ERGIC1: variants seen among roughly 807,000 people sequenced by gnomAD.
The protein encoded by ERGIC1 is endoplasmic reticulum-Golgi intermediate compartment protein 1.
ERGIC1 carries 19 observed loss-of-function variants against 38.3 expected under a neutral mutation model. That is an observed-to-expected ratio of 0.50 (90% CI 0.35 to 0.73). The LOEUF is 0.73. ERGIC1 is among the 30% of genes least tolerant of loss of function. The probability of loss-of-function intolerance (pLI) is 0.01; values close to 1 mark genes in which losing one functional copy is unlikely to be tolerated. For synonymous variants in ERGIC1, 124 were observed against 157.6 expected (o/e 0.79, Z 1.60); for missense variants, 294 against 389.2 (o/e 0.76, Z 2.06).
chr5:172,867,270 T>C (rs895676943), intron 1 of ERGIC1: 31 of 437,158 alleles, frequency 7.1e-5, no homozygotes, highest in African/African-American at 5.6e-4. Flanking sequence ...TGTGATCCCT[T>C]TGGGTACAGG....
intron 1 of ERGIC1, among the ~76,000 whole-genome samples, chr5:172,876,290 C>G (rs574444737): frequency 1.3e-5 from 2 of 152,292 alleles, no homozygotes; most frequent in East Asian, 3.9e-4. Context: ...TTTTCTAATT[C>G]TCTTAGTCTT....
intron 1 of ERGIC1, among the ~76,000 whole-genome samples, chr5:172,883,644 G>A (rs1319587891): frequency 2.0e-5 from 3 of 152,172 alleles, no homozygotes; most frequent in Admixed American, 6.5e-5. Context: ...ACAGGGTGCC[G>A]ATGTGTCTCC....
At chr5:172,895,488 GC>G (rs10713803) in intron 2 of ERGIC1, among the ~76,000 whole-genome samples, 40,035 of 151,952 alleles carry the variant, frequency 0.26, 5,542 homozygotes, top group Middle Eastern at 0.35. Context: ...TATCCTGGGA[GC>G]TGACTCTCTG....
Position 172,926,696 on chromosome 5 carries a change from C to T in ERGIC1, c.541+127C>T. 1.0e-6 allele frequency: 1 copy of T among 1,000,912 alleles called. No individual in the cohort carries two copies. The highest frequency in any genetic ancestry group is 2.5e-5 in the East Asian group (1 of 40,102). The allele number at this position is 1,000,912 out of a possible 1,614,324, so 62.0% of individuals were successfully genotyped here. A position where few individuals can be genotyped will look rare whatever the true frequency, so the allele number is the denominator to read the frequency against. The stretch of plus-strand genomic sequence containing the variant: ...TCCAAGGCAGGGAGGCTGCTGCTCA[C>T]ACTCCATTCCCACAGCTAACCAGTG... On this transcript the variant is annotated intron_variant, in intron 7 of 9. Coordinates refer to ENST00000393784, the MANE Select transcript of ERGIC1 (RefSeq NM_001031711.3). This position sits in a 1 kb window ranked among gnomAD's most constrained non-coding sequence, Gnocchi z 5.2.
chr5:172,842,029 G>A (rs1486864672), intron 1 of ERGIC1, among the ~76,000 whole-genome samples: 2 of 152,024 alleles, frequency 1.3e-5, no homozygotes, highest in East Asian at 1.9e-4. Context: ...TTTTTGTGTG[G>A]TAAGAATACC....
intron 3 of ERGIC1, chr5:172,898,128 C>T (rs2113317088): frequency 2.6e-6 from 1 of 378,110 alleles, no homozygotes; most frequent in East Asian, 3.8e-5. Flanking sequence ...TGGCCACCCA[C>T]TCTCCTGCTC....
chr5:172,912,629 C>T lies in ERGIC1; in HGVS notation c.251-2085C>T, dbSNP rs1375813391. ...GTCTCAAACTCCTGACCTTGTGATC[C>T]ACCCGCCTCAGCCTCCCAAAGTTCT... On this transcript the variant is annotated intron_variant, in intron 4 of 9. Transcript: ENST00000393784. 3.3e-5 allele frequency among the ~76,000 whole-genome samples: 5 copies of T among 152,242 alleles called. 1 individual carries two copies. The East Asian group carries it at 9.7e-4, about 29-fold the overall frequency.
At chr5:172,913,723 G>A (rs1388228019) in intron 4 of ERGIC1, among the ~76,000 whole-genome samples, 1 of 152,200 alleles carries the variant, frequency 6.6e-6, no homozygotes, top group Non-Finnish European at 1.5e-5. Context: ...CTCTGGGGAT[G>A]CAGTTGGCAT....
At chr5:172,878,538 G>T (rs1024644204) in intron 1 of ERGIC1, among the ~76,000 whole-genome samples, 2 of 152,160 alleles carry the variant, frequency 1.3e-5, no homozygotes, top group Admixed American at 1.3e-4. Context: ...GCCCTCGCAA[G>T]GGGGGTAGCA....
chr5:172,888,324 G>A (rs1035692849), intron 1 of ERGIC1, among the ~76,000 whole-genome samples: 5 of 152,130 alleles, frequency 3.3e-5, no homozygotes, highest in Non-Finnish European at 7.3e-5. Context: ...GCCAGGCATG[G>A]TGGCACATGC....
At chr5:172,842,963 G>C (rs1761193776) in intron 1 of ERGIC1, among the ~76,000 whole-genome samples, 1 of 152,174 alleles carries the variant, frequency 6.6e-6, no homozygotes, top group Non-Finnish European at 1.5e-5. Flanking sequence ...GGCCAACATG[G>C]AGAAACCCCA....
At chr5:172,865,853 TA>T (rs1401234068) in intron 1 of ERGIC1, among the ~76,000 whole-genome samples, 1 of 152,238 alleles carries the variant, frequency 6.6e-6, no homozygotes, top group Non-Finnish European at 1.5e-5. Context: ...TTTTATTTCA[TA>T]GACTATTTTG....
chr5:172,852,798 G>C (rs1761443660), intron 1 of ERGIC1, among the ~76,000 whole-genome samples: 1 of 152,238 alleles, frequency 6.6e-6, no homozygotes, highest in African/African-American at 2.4e-5. Flanking sequence ...ACATCACTCA[G>C]CATGGCACGC....
chr5:172,895,489 C>G (rs1470530217), intron 2 of ERGIC1, among the ~76,000 whole-genome samples: 1 of 82,800 alleles, frequency 1.2e-5, no homozygotes, highest in Non-Finnish European at 3.0e-5. Flanking sequence ...ATCCTGGGAG[C>G]TGACTCTCTG....
Position 172,926,886 on chromosome 5 carries a change from A to G in ERGIC1, c.541+317A>G, listed in dbSNP as rs1344441207. ...TCCTTAGTTGAACTAATTACCTAAG[A>G]TCCCACAGGGAGCTATGGCAGAACC... On this transcript the variant is annotated intron_variant, in intron 7 of 9. Transcript: ENST00000393784. This position sits in a 1 kb window ranked among gnomAD's most constrained non-coding sequence, Gnocchi z 5.2. 2.9e-6 allele frequency: 1 copy of G among 340,288 alleles called. No individual in the cohort carries two copies. The highest frequency in any genetic ancestry group is 5.6e-6 in the Non-Finnish European group (1 of 178,342). 21.1% of individuals were successfully genotyped at this position (340,288 alleles called of 1,614,324 possible). A position where few individuals can be genotyped will look rare whatever the true frequency, so the allele number is the denominator to read the frequency against.
intron 2 of ERGIC1, among the ~76,000 whole-genome samples, chr5:172,895,720 T>C (rs2113303937): frequency 6.6e-6 from 1 of 151,898 alleles, no homozygotes; most frequent in Non-Finnish European, 1.5e-5. Context: ...GAGTCGGGCC[T>C]GGGAGGATGA....
chr5:172,895,459 G>A (rs190814062), intron 2 of ERGIC1, among the ~76,000 whole-genome samples: 9 of 149,950 alleles, frequency 6.0e-5, no homozygotes, highest in East Asian at 2.0e-4. Flanking sequence ...CAGGTGTGGC[G>A]TATTCAGCCC....
Position 172,944,040 on chromosome 5 carries a change from G to A in ERGIC1, c.766-6669G>A, listed in dbSNP as rs1764066738. Among the ~76,000 whole-genome samples, 4 of 152,372 alleles carry A rather than the reference G, an allele frequency of 2.6e-5. No homozygotes were observed. The Middle Eastern group carries it at 0.01, about 389-fold the overall frequency. ...TGGGAGGAAGTTGCTGGTGGGAACA[G>A]AGGGGCATTATCGGATGACGTCTGA... On this transcript the variant is annotated intron_variant, in intron 9 of 9. Transcript: ENST00000393784.
chr5:172,925,092 G>T (rs1431893035), intron 6 of ERGIC1, among the ~76,000 whole-genome samples: 2 of 152,076 alleles, frequency 1.3e-5, no homozygotes, highest in Admixed American at 1.3e-4. Context: ...ACAAAAATTA[G>T]CCGGGCGTGG....
Sources: allele counts gnomAD v4.1 joint callset (sites outside exome capture counted in the v4.1 genomes callset), GRCh38; gene constraint gnomAD v4.1.1; non-coding constraint Gnocchi (gnomAD v3.1); transcripts MANE v1.5; gene names NCBI Gene and HGNC (gene_info 2026-07-23, HGNC 2026-07-21).